Variants in NRG1 observed in about 807,000 individuals in gnomAD.
NRG1 encodes the protein pro-neuregulin-1, membrane-bound isoform.
A neutral mutation model predicts 63.8 loss-of-function variants in NRG1; 18 were observed. That is an observed-to-expected ratio of 0.28 (90% CI 0.19 to 0.42). NRG1 has a LOEUF of 0.42. NRG1 is among the 10% of genes least tolerant of loss of function. The pLI, the probability that NRG1 is intolerant of heterozygous loss-of-function variation, is 1.00. For synonymous variants in NRG1, 302 were observed against 301.3 expected, an observed-to-expected ratio of 1.00 and a Z score of -0.02; for missense variants, 762 against 814.7, an observed-to-expected ratio of 0.94 and a Z score of 0.79.
intron 5 of NRG1, among the ~76,000 whole-genome samples, chr8:32,690,525 G>A (rs1811324810): frequency 6.7e-6 from 1 of 149,354 alleles, no homozygotes; most frequent in African/African-American, 2.5e-5. Flanking sequence ...TCCCAGGGTA[G>A]TAGGTGGTAT....
chr8:31,813,125 T>A (rs1424910056), intron 1 of NRG1, among the ~76,000 whole-genome samples: 2 of 152,228 alleles, frequency 1.3e-5, no homozygotes, highest in African/African-American at 4.8e-5. Context: ...TGTATATTTA[T>A]CATCATAGTT....
chr8:32,697,946 G>A (rs1024212601), intron 5 of NRG1, among the ~76,000 whole-genome samples: 1 of 152,150 alleles, frequency 6.6e-6, no homozygotes, highest in African/African-American at 2.4e-5. Flanking sequence ...GGTGGTTCAC[G>A]CCTGTAATCC....
intron 1 of NRG1, among the ~76,000 whole-genome samples, chr8:31,645,831 G>A (rs1256461142): frequency 6.6e-6 from 1 of 152,210 alleles, no homozygotes; most frequent in Non-Finnish European, 1.5e-5. Context: ...GTTACCTACA[G>A]TCTGGATGGA....
upstream of NRG1, among the ~76,000 whole-genome samples, chr8:32,544,679 C>CA: frequency 1.2e-5 from 1 of 80,468 alleles, no homozygotes; most frequent in East Asian, 4.6e-4. Flanking sequence ...ATTTTTGTAT[C>CA]TTTTTTTTTT....
chr8:32,529,357 GC>G (rs563050801), intron 1 of NRG1, among the ~76,000 whole-genome samples: 202 of 152,242 alleles, frequency 1.3e-3, no homozygotes, highest in African/African-American at 4.6e-3. Flanking sequence ...GACCGTGAAG[GC>G]CCAGGACATT....
chr8:32,699,147 G>A (rs576425821), intron 5 of NRG1, among the ~76,000 whole-genome samples: 1 of 152,274 alleles, frequency 6.6e-6, no homozygotes, highest in East Asian at 1.9e-4. Flanking sequence ...TTGCATTTGG[G>A]TTCCCACTTC....
chr8:31,801,295 T>G (rs1460136139), intron 1 of NRG1, among the ~76,000 whole-genome samples: 1 of 152,184 alleles, frequency 6.6e-6, no homozygotes, highest in Non-Finnish European at 1.5e-5. Context: ...TGAAATGGTG[T>G]TTTGTTTCTA....
chr8:32,422,494 T>A (rs570522641), intron 1 of NRG1, among the ~76,000 whole-genome samples: 56 of 152,350 alleles, frequency 3.7e-4, no homozygotes, highest in African/African-American at 1.3e-3. Context: ...TTTGCTCTCA[T>A]AACAATGCTC....
chr8:32,223,848 A>C (rs1563925247), intron 1 of NRG1, among the ~76,000 whole-genome samples: 1 of 152,202 alleles, frequency 6.6e-6, no homozygotes, highest in Non-Finnish European at 1.5e-5. Context: ...AGGAAAAATA[A>C]GCAGCAGCTG....
At chr8:31,942,235 A>T (rs1294003338) in intron 1 of NRG1, among the ~76,000 whole-genome samples, 1 of 152,022 alleles carries the variant, frequency 6.6e-6, no homozygotes, top group South Asian at 2.1e-4. Context: ...AATAAACCCA[A>T]ATACTTACAG....
chr8:31,853,874 T>A (rs944912114), intron 1 of NRG1, among the ~76,000 whole-genome samples: 22 of 152,156 alleles, frequency 1.4e-4, no homozygotes, highest in Admixed American at 1.2e-3. Flanking sequence ...GATAATCATG[T>A]GGTATTTGTC....
At position 31,845,554 on chromosome 8, in the gene NRG1, T is replaced by A. The variant is rs998586151; in HGVS notation, c.37+206123T>A. 2.0e-5 allele frequency among the ~76,000 whole-genome samples: 3 copies of A among 152,292 alleles called. 1 individual carries two copies. Among genetic ancestry groups the A allele is most frequent in the Admixed American group, 6.5e-5 (1 of 15,292 alleles). ...AATGAAGGTGAAAATGCTCTTTTTG[T>A]TAGCTCTAGATCAGCAGAGGTGAAT... On this transcript the variant is annotated intron_variant, in intron 1 of 10. Coordinates refer to the NRG1 transcript ENST00000519301.
chr8:32,609,430 A>G (rs1845906046), intron 3 of NRG1, among the ~76,000 whole-genome samples: 1 of 151,998 alleles, frequency 6.6e-6, no homozygotes, highest in Non-Finnish European at 1.5e-5. Flanking sequence ...TTCTGAGAGA[A>G]AAAGGGCACT....
intron 1 of NRG1, among the ~76,000 whole-genome samples, chr8:32,586,776 CTGT>C (rs1841691414): frequency 1.3e-5 from 2 of 152,298 alleles, no homozygotes; most frequent in Admixed American, 6.5e-5. Flanking sequence ...CACACCAGAA[CTGT>C]TGCAGATGAA....
chr8:32,702,409 A>G (rs534387304), intron 5 of NRG1, among the ~76,000 whole-genome samples: 4 of 152,324 alleles, frequency 2.6e-5, no homozygotes, highest in East Asian at 3.9e-4. Flanking sequence ...ACAGCAACCC[A>G]TGTTTGGGCA....
chr8:32,447,398 T>G (rs941564916), intron 1 of NRG1, among the ~76,000 whole-genome samples: 1 of 152,176 alleles, frequency 6.6e-6, no homozygotes, highest in Non-Finnish European at 1.5e-5. Flanking sequence ...CAAGTCCATC[T>G]GAAACACTTC....
chr8:32,397,201 A>G (rs190853352), intron 1 of NRG1, among the ~76,000 whole-genome samples: 1 of 152,102 alleles, frequency 6.6e-6, no homozygotes, highest in East Asian at 1.9e-4. Context: ...TTTTCTATAT[A>G]TTTTCTCTAT....
chr8:31,897,149 A>G (rs1329872000), intron 1 of NRG1, among the ~76,000 whole-genome samples: 1 of 152,160 alleles, frequency 6.6e-6, no homozygotes, highest in Non-Finnish European at 1.5e-5. Context: ...AAGCCTCCCA[A>G]CCATCTGAGT....
chr8:32,560,922 T>A (rs577152589), intron 1 of NRG1, among the ~76,000 whole-genome samples: 59 of 152,334 alleles, frequency 3.9e-4, no homozygotes, highest in Admixed American at 9.8e-4. Flanking sequence ...ACGACCGCTG[T>A]TCCTGGTAGG....
Sources: allele counts gnomAD v4.1 joint callset (sites outside exome capture counted in the v4.1 genomes callset), GRCh38; gene constraint gnomAD v4.1.1; transcripts MANE v1.5; gene names NCBI Gene and HGNC (gene_info 2026-07-23, HGNC 2026-07-21).